The following COL9A3 variants were observed in gnomAD, a reference collection of about 807,000 sequenced individuals.
COL9A3 encodes the protein collagen alpha-3(IX) chain.
COL9A3 carries 82 observed loss-of-function variants against 110.2 expected under a neutral mutation model. The ratio of observed to expected loss-of-function variants is 0.74; its 90% confidence interval spans 0.62 to 0.89. The LOEUF is 0.89. COL9A3 is among the 40% of genes least tolerant of loss of function. The pLI is 0.00. For synonymous variants in COL9A3, 494 were observed against 403.8 expected (o/e 1.22, Z -2.68); for missense variants, 1,066 against 981.3 (o/e 1.09, Z -1.15).
intron 8 of COL9A3, 115 bp downstream of exon 8, chr20:62,821,925 C>T: frequency 3.9e-6 from 3 of 768,284 alleles, no homozygotes; most frequent in Middle Eastern, 2.3e-4. Flanking sequence ...CCCAACCCCA[C>T]CTTGGTGGGT....
rs368890620 is a variant in COL9A3, at chr20:62,822,880, C to A, written c.519+248C>A. Among the ~76,000 whole-genome samples, 8 of 152,322 alleles carry A rather than the reference C, an allele frequency of 5.3e-5. No homozygotes were observed. In the East Asian group the frequency reaches 1.3e-3, roughly 26 times the overall value. On this transcript the variant is annotated intron_variant, in intron 10 of 31. Transcript: ENST00000649368. ...CACTGTCCCTCATGAAGCCACCAGG[C>A]GCATGGAGCTGTACAAATGTAATGA...
At chr20:62,838,267 C>G (rs879788555) in intron 30 of COL9A3, among the ~76,000 whole-genome samples, 1 of 152,218 alleles carries the variant, frequency 6.6e-6, no homozygotes, top group Non-Finnish European at 1.5e-5. Context: ...CAAGCCCGGC[C>G]TCCTGCACCC....
At chr20:62,832,265 G>A in intron 25 of COL9A3, 76 bp downstream of exon 25, 1 of 1,472,454 alleles carries the variant, frequency 6.8e-7, no homozygotes, top group Non-Finnish European at 9.5e-7. Context: ...TCCTGTCCCG[G>A]CTCTGGCCCT....
chr20:62,827,997 A>G (rs1164409430), intron 17 of COL9A3, 21 bp downstream of exon 17: 4 of 1,612,632 alleles, frequency 2.5e-6, no homozygotes, highest in African/African-American at 1.3e-5. Flanking sequence ...GTGGCTGCTC[A>G]TGGAATGCTC....
intron 2 of COL9A3, among the ~76,000 whole-genome samples, chr20:62,818,215 C>T (rs915683070): frequency 3.9e-5 from 6 of 152,190 alleles, no homozygotes; most frequent in Non-Finnish European, 7.4e-5. Flanking sequence ...GTGTGGTCCC[C>T]GTGGAGGGCT....
chr20:62,827,156 G>C (rs1333461350), intron 15 of COL9A3, 85 bp from the exon 16 acceptor site: 3 of 1,343,540 alleles, frequency 2.2e-6, no homozygotes, highest in African/African-American at 1.4e-5. Context: ...GCTGTCCCCC[G>C]CCCGGGCCTG....
chr20:62,816,971 G>C (rs1456727615), upstream of COL9A3: 1 of 710,972 alleles, frequency 1.4e-6, no homozygotes. Context: ...TGCAGGCGGG[G>C]GCGGGAAGGG....
intron 24 of COL9A3, 93 bp from the exon 25 acceptor site, chr20:62,832,061 G>A: frequency 8.3e-7 from 1 of 1,207,964 alleles, no homozygotes; most frequent in Non-Finnish European, 1.2e-6. Context: ...AGATGGAGAT[G>A]TGGGGAGGTG....
At chr20:62,835,453 A>G (rs1329722562) in intron 26 of COL9A3, among the ~76,000 whole-genome samples, 2 of 152,202 alleles carry the variant, frequency 1.3e-5, no homozygotes, top group Non-Finnish European at 2.9e-5. Flanking sequence ...TCTCAAACCT[A>G]ATCACCTCTT....
At chr20:62,831,787 A>T (rs1252251307) in intron 24 of COL9A3, 1 of 351,040 alleles carries the variant, frequency 2.8e-6, no homozygotes, top group Non-Finnish European at 5.5e-6. Context: ...CAACTCCCAG[A>T]CATGTCCTCA....
chr20:62,828,118 G>T (rs927780497), intron 17 of COL9A3, 142 bp downstream of exon 17: 13 of 837,072 alleles, frequency 1.6e-5, no homozygotes, highest in Non-Finnish European at 2.5e-5. Flanking sequence ...GAACAGCCCC[G>T]CAGCCCCACA....
Position 62,836,581 on chromosome 20 carries a change from G to A in COL9A3, c.1603+49G>A, listed in dbSNP as rs751826587. On this transcript the variant is annotated intron_variant, in intron 29 of 31. Coordinates refer to ENST00000649368, the MANE Select transcript of COL9A3 (RefSeq NM_001853.4). ...TGCAGCGGGGCCCATCCCCGCCTGG[G>A]GGTCCCGTGCCTGGGGCTACACAGA... The A allele has an allele frequency of 6.4e-6, 10 of 1,556,440 alleles. No individual in the cohort carries two copies. The South Asian group carries it at 8.1e-5, about 13-fold the overall frequency.
In COL9A3 at chr20:62,821,185, G is replaced by A. The variant is rs373562188; in HGVS notation, c.314G>A (p.Ser105Asn). 1 of 1,613,174 alleles carries A rather than the reference G, an allele frequency of 6.2e-7. No individual in the cohort carries two copies. Among genetic ancestry groups the A allele is most frequent in the Non-Finnish European group, 8.5e-7 (1 of 1,179,830 alleles). ...ACGCCTGCTTTCCTCCCACAGGGAAGTCTGGGACCCCCGGGGCCGCCCGGG... is the reference window on the plus strand; with the variant it reads ...ACGCCTGCTTTCCTCCCACAGGGAAATCTGGGACCCCCGGGGCCGCCCGGG... ...GPKGAPGERGSLGPPGPPGLG... is the reference protein window; with the variant it reads ...GPKGAPGERGNLGPPGPPGLG... The change falls in exon 6 of 32, where the codon AGT (serine) becomes AAT (asparagine). Residue 105 changes from serine to asparagine, a missense_variant. Coordinates refer to ENST00000649368, the MANE Select transcript of COL9A3 (RefSeq NM_001853.4).
intron 10 of COL9A3, 52 bp from the exon 11 acceptor site, chr20:62,824,393 A>G: frequency 6.5e-7 from 1 of 1,546,256 alleles, no homozygotes; most frequent in South Asian, 1.2e-5. Flanking sequence ...CCTGCGTCGG[A>G]CGTCCTGCTC....
At chr20:62,825,963 C>G in intron 13 of COL9A3, 93 bp downstream of exon 13, 1 of 1,397,460 alleles carries the variant, frequency 7.2e-7, no homozygotes, top group South Asian at 1.3e-5. Flanking sequence ...GGGGCCAGCT[C>G]CGGCTGGGGG....
chr20:62,837,124 G>A lies in COL9A3; in HGVS notation c.1645G>A (p.Ala549Thr), dbSNP rs2063642628. The A allele has an allele frequency of 9.3e-6, 15 of 1,613,486 alleles. No individual in the cohort carries two copies. The highest frequency in any genetic ancestry group is 1.0e-5 in the Non-Finnish European group (12 of 1,180,012). Residue 549 changes from alanine to threonine, a missense_variant, in exon 30 of 32, where the codon GCA (alanine) becomes ACA (threonine). Coordinates refer to ENST00000649368, the MANE Select transcript of COL9A3 (RefSeq NM_001853.4). ...QLAAHLRKPL[A>T]PGSIGRPGPA... is the part of the protein sequence containing the mutation. ...AGCCGCGCACCTAAGGAAGCCTTTG[G>A]CACCCGGGTCCATTGGTCGGCCCGG...
intron 10 of COL9A3, 100 bp from the exon 11 acceptor site, chr20:62,824,345 G>C: frequency 7.8e-7 from 1 of 1,277,644 alleles, no homozygotes; most frequent in Non-Finnish European, 1.1e-6. Context: ...TCCCGTCACC[G>C]TGCAGAGTGG....
chr20:62,833,838 T>C (rs1050849413), intron 26 of COL9A3, among the ~76,000 whole-genome samples: 1 of 151,820 alleles, frequency 6.6e-6, no homozygotes, highest in Non-Finnish European at 1.5e-5. Context: ...GCCAGGATTA[T>C]AGGCCCTCCC....
At chr20:62,825,646 G>C in intron 12 of COL9A3, 171 bp from the exon 13 acceptor site, 1 of 700,090 alleles carries the variant, frequency 1.4e-6, no homozygotes. Context: ...CGAGACTCGC[G>C]GGACTGCTCT....
Sources: gnomAD v4.1 joint callset for allele counts (sites outside exome capture counted in the v4.1 genomes callset) on GRCh38, gnomAD v4.1.1 for gene constraint, MANE v1.5 for transcripts, NCBI Gene and HGNC (gene_info 2026-07-23, HGNC 2026-07-21) for gene names.